STK3: variants seen among roughly 807,000 people sequenced by gnomAD.
The protein encoded by STK3 is serine/threonine-protein kinase 3.
A neutral mutation model predicts 58.0 loss-of-function variants in STK3; 41 were observed. The ratio of observed to expected loss-of-function variants is 0.71; its 90% confidence interval spans 0.55 to 0.92. The LOEUF is 0.92. STK3 is among the 40% of genes least tolerant of loss of function. STK3 has a pLI of 0.00. For missense variants in STK3, 479 were observed against 602.7 expected, an observed-to-expected ratio of 0.79 and a Z score of 2.15; for synonymous variants, 170 against 191.0, an observed-to-expected ratio of 0.89 and a Z score of 0.91.
chr8:98,512,604 TG>T (rs1824604838), intron 10 of STK3, among the ~76,000 whole-genome samples: 1 of 152,156 alleles, frequency 6.6e-6, no homozygotes, highest in South Asian at 2.1e-4. Flanking sequence ...ATTCCTTCCT[TG>T]AAAAAACCTA....
chr8:98,389,245 A>G (rs1817823111), upstream of STK3, among the ~76,000 whole-genome samples: 1 of 152,146 alleles, frequency 6.6e-6, no homozygotes, highest in South Asian at 2.1e-4. Flanking sequence ...AGCCCACAGC[A>G]ATTTTTTCCC....
chr8:98,739,370 A>ACGGCCGGGTACT (rs1437339749), intron 4 of STK3, among the ~76,000 whole-genome samples: 1 of 151,930 alleles, frequency 6.6e-6, no homozygotes, highest in Non-Finnish European at 1.5e-5. Flanking sequence ...GACACCTCAC[A>ACGGCCGGGTACT]CGGCCGGGTA....
intron 6 of STK3, among the ~76,000 whole-genome samples, chr8:98,683,517 A>G (rs1823778077): frequency 6.6e-6 from 1 of 152,152 alleles, no homozygotes; most frequent in Non-Finnish European, 1.5e-5. Context: ...TTAGACACAC[A>G]AAGATGAAAC....
At chr8:98,866,473 C>G (rs1837150422) in intron 3 of STK3, among the ~76,000 whole-genome samples, 1 of 152,168 alleles carries the variant, frequency 6.6e-6, no homozygotes, top group African/African-American at 2.4e-5. Flanking sequence ...AGATGTGGGG[C>G]TGCTAAATTT....
chr8:98,746,039 G>A lies in STK3; in HGVS notation c.351+3237C>T, dbSNP rs560275285. Reference sequence around the variant, plus strand: ...CATAGAAAAAGTACAGTAAAAATACGATACTATAATCTTATGGGACCACAA... The same window carrying A: ...CATAGAAAAAGTACAGTAAAAATACAATACTATAATCTTATGGGACCACAA... On this transcript the variant is annotated intron_variant, in intron 4 of 10. Coordinates refer to ENST00000419617, the MANE Select transcript of STK3 (RefSeq NM_006281.4). Among the ~76,000 whole-genome samples the A allele has an allele frequency of 3.9e-5, 6 of 152,244 alleles. No individual in the cohort carries two copies. The East Asian group carries it at 5.8e-4, about 15-fold the overall frequency.
intron 2 of STK3, among the ~76,000 whole-genome samples, chr8:98,773,779 T>TTTTATTTATTTA (rs56774049): frequency 6.6e-6 from 1 of 150,956 alleles, no homozygotes; most frequent in East Asian, 1.9e-4. Flanking sequence ...TATTTTTATT[T>TTTTATTTATTTA]TTTATTTATT....
chr8:98,623,308 C>G (rs1440786406), intron 6 of STK3, among the ~76,000 whole-genome samples: 1 of 152,082 alleles, frequency 6.6e-6, no homozygotes, highest in African/African-American at 2.4e-5. Context: ...TGTCCTGTCC[C>G]CCCACCACCA....
intron 3 of STK3, among the ~76,000 whole-genome samples, chr8:98,838,976 T>G (rs891840681): frequency 6.9e-6 from 1 of 145,032 alleles, no homozygotes; most frequent in Non-Finnish European, 1.5e-5. Context: ...GTTTTTGTTT[T>G]GTTTGTTTGT....
rs994877310 is a variant in STK3 at position 98,800,793 on chromosome 8, C to T, written c.26+24722G>A. Among the ~76,000 whole-genome samples, 2 of 152,182 alleles carry T rather than the reference C, an allele frequency of 1.3e-5. No individual in the cohort carries two copies. Among genetic ancestry groups the T allele is most frequent in the African/African-American group, 4.8e-5 (2 of 41,440 alleles). On this transcript the variant is annotated intron_variant, in intron 1 of 10. Transcript: ENST00000419617. The surrounding 1 kb of genome is among the most constrained non-coding windows in gnomAD (Gnocchi z 4.8). ...ACTGCCGGCCCTCCCGCGCTGAGCT[C>T]GAATTCTTGCCAGGCCTCAGCCACC...
At chr8:98,586,845 A>T (rs1023985359) in intron 7 of STK3, among the ~76,000 whole-genome samples, 6 of 151,602 alleles carry the variant, frequency 4.0e-5, no homozygotes, top group African/African-American at 1.5e-4. Context: ...TGTGTCGAGG[A>T]ATTTATCCAT....
intron 8 of STK3, among the ~76,000 whole-genome samples, chr8:98,570,787 A>G (rs553527208): frequency 6.6e-6 from 1 of 152,356 alleles, no homozygotes; most frequent in South Asian, 2.1e-4. Flanking sequence ...CTAGGTGTGT[A>G]TATATGTAAT....
intron 10 of STK3, among the ~76,000 whole-genome samples, chr8:98,515,685 C>T (rs1422542524): frequency 6.6e-6 from 1 of 151,906 alleles, no homozygotes; most frequent in Non-Finnish European, 1.5e-5. Context: ...TTTGCTCTAC[C>T]ACCTACAAGC....
chr8:98,809,207 A>G (rs1231428139), intron 1 of STK3, among the ~76,000 whole-genome samples: 3 of 152,228 alleles, frequency 2.0e-5, no homozygotes, highest in Admixed American at 6.5e-5. Flanking sequence ...CCTGCATTCA[A>G]TGAATCATTG....
chr8:98,499,686 C>T (rs926027318), intron 10 of STK3, among the ~76,000 whole-genome samples: 2 of 152,068 alleles, frequency 1.3e-5, no homozygotes, highest in Middle Eastern at 3.2e-3. Flanking sequence ...CTGGTGAGGG[C>T]TCAGAAGGAG....
intron 3 of STK3, among the ~76,000 whole-genome samples, chr8:98,759,273 G>T (rs1448863510): frequency 6.6e-6 from 1 of 152,100 alleles, no homozygotes; most frequent in Non-Finnish European, 1.5e-5. Context: ...AACCCTTACG[G>T]ACCATTGTAG....
intron 4 of STK3, among the ~76,000 whole-genome samples, chr8:98,741,925 A>G (rs1218156554): frequency 6.6e-6 from 1 of 152,190 alleles, no homozygotes; most frequent in Non-Finnish European, 1.5e-5. Flanking sequence ...CAGAAATACA[A>G]ACTACCATCA....
At chr8:98,788,309 G>A (rs546896087) in intron 1 of STK3, among the ~76,000 whole-genome samples, 14 of 151,896 alleles carry the variant, frequency 9.2e-5, no homozygotes, top group South Asian at 6.3e-4. Context: ...GTGGTGGTGC[G>A]CGCCTGTAAT....
chr8:98,770,798 A>C (rs7827435), intron 2 of STK3, among the ~76,000 whole-genome samples: 1 of 151,946 alleles, frequency 6.6e-6, no homozygotes, highest in Admixed American at 6.6e-5. Context: ...ATCCCAGCAC[A>C]AGAGAAGTGG....
intron 10 of STK3, among the ~76,000 whole-genome samples, chr8:98,504,272 C>G (rs988771710): frequency 3.3e-5 from 5 of 150,294 alleles, no homozygotes; most frequent in African/African-American, 1.2e-4. Flanking sequence ...TTATTTTGAG[C>G]CTATGTGTGT....
Sources: allele counts gnomAD v4.1 joint callset (sites outside exome capture counted in the v4.1 genomes callset), GRCh38; gene constraint gnomAD v4.1.1; non-coding constraint Gnocchi (gnomAD v3.1); transcripts MANE v1.5; gene names NCBI Gene and HGNC (gene_info 2026-07-23, HGNC 2026-07-21).